LGSN: variants seen among roughly 807,000 people sequenced by gnomAD.
The protein encoded by LGSN is lengsin.
Under a neutral mutation model 19.5 loss-of-function variants are expected in LGSN, and 21 were observed. That is an observed-to-expected ratio of 1.07 (90% confidence interval 0.76 to 1.55). The LOEUF (loss-of-function observed/expected upper bound fraction) is 1.55, where lower values mean the gene tolerates loss of function less well. Among genes scored for constraint, LGSN ranks in the 40% most tolerant of loss-of-function variants. LGSN has a pLI of 0.00. For synonymous variants in LGSN, 257 were observed against 215.6 expected (o/e 1.19, Z -1.68); for missense variants, 673 against 608.5 (o/e 1.11, Z -1.12).
At chr6:63,451,626 T>A in the LGSN span, among the ~76,000 whole-genome samples, 9,092 of 152,026 alleles carry the variant, frequency 0.06, 810 homozygotes, top group African/African-American at 0.19. Context: ...AGGGAGAGGA[T>A]CAGGAAAAAT....
At chr6:63,373,964 G>A in the LGSN span, among the ~76,000 whole-genome samples, 13 of 152,074 alleles carry the variant, frequency 8.5e-5, no homozygotes, top group Admixed American at 6.6e-5. Flanking sequence ...GGGGTGGCGG[G>A]GGAGTGGCAT....
the LGSN span, among the ~76,000 whole-genome samples, chr6:63,401,448 G>C: frequency 3.3e-5 from 5 of 150,030 alleles, no homozygotes; most frequent in Non-Finnish European, 7.4e-5. Flanking sequence ...AATTCAAAAA[G>C]TTAATAATTA....
the LGSN span, among the ~76,000 whole-genome samples, chr6:63,390,595 G>T: frequency 2.0e-5 from 3 of 151,166 alleles, no homozygotes; most frequent in Non-Finnish European, 4.4e-5. Flanking sequence ...GGTGGCTCAC[G>T]CCTGTAATCC....
chr6:63,327,328 G>C, the LGSN span, among the ~76,000 whole-genome samples: 1 of 152,198 alleles, frequency 6.6e-6, no homozygotes, highest in Non-Finnish European at 1.5e-5. Flanking sequence ...CAAGATGGCT[G>C]CCATGGGACC....
the LGSN span, among the ~76,000 whole-genome samples, chr6:63,393,026 A>G: frequency 1.3e-5 from 2 of 150,180 alleles, no homozygotes; most frequent in Non-Finnish European, 3.0e-5. Context: ...AGCTGGGACT[A>G]CAGGCGCCCA....
At chr6:63,535,423 G>T in the LGSN span, among the ~76,000 whole-genome samples, 2 of 152,016 alleles carry the variant, frequency 1.3e-5, no homozygotes, top group Non-Finnish European at 2.9e-5. Context: ...ACCCGAGATT[G>T]CACCACTGCA....
chr6:63,477,700 T>C, the LGSN span, among the ~76,000 whole-genome samples: 1 of 130,656 alleles, frequency 7.7e-6, no homozygotes, highest in African/African-American at 2.9e-5. Flanking sequence ...TTTTTTTTTT[T>C]TTTTTTTTTT....
intron 1 of LGSN, among the ~76,000 whole-genome samples, chr6:63,316,841 C>G (rs1321994128): frequency 1.3e-5 from 2 of 151,676 alleles, no homozygotes; most frequent in South Asian, 4.2e-4. Context: ...TGGAACTGTT[C>G]GTGAAGATAT....
the LGSN span, among the ~76,000 whole-genome samples, chr6:63,570,186 C>T: frequency 6.6e-6 from 1 of 152,030 alleles, no homozygotes; most frequent in Non-Finnish European, 1.5e-5. Flanking sequence ...AACAAATTAG[C>T]CAGGTGTGGT....
the LGSN span, among the ~76,000 whole-genome samples, chr6:63,482,084 C>T: frequency 6.6e-6 from 1 of 152,104 alleles, no homozygotes; most frequent in Non-Finnish European, 1.5e-5. Flanking sequence ...AACAGAACTC[C>T]ATCCTTTAAA....
the LGSN span, among the ~76,000 whole-genome samples, chr6:63,429,926 G>GAT: frequency 1.3e-5 from 2 of 152,022 alleles, no homozygotes; most frequent in Admixed American, 6.6e-5. Context: ...CCTCATTCAT[G>GAT]GACGGAAGGA....
chr6:63,548,071 C>T, the LGSN span, among the ~76,000 whole-genome samples: 1,768 of 152,264 alleles, frequency 0.012, 28 homozygotes, highest in African/African-American at 0.04. Context: ...TTCCAAAACC[C>T]ACTACTCATC....
At chr6:63,387,928 C>A in the LGSN span, among the ~76,000 whole-genome samples, 2 of 151,194 alleles carry the variant, frequency 1.3e-5, no homozygotes, top group African/African-American at 4.9e-5. Flanking sequence ...TGCAGTGGCA[C>A]AATCTTGGCT....
the LGSN span, among the ~76,000 whole-genome samples, chr6:63,394,174 G>A: frequency 1.3e-5 from 2 of 152,256 alleles, no homozygotes; most frequent in South Asian, 4.1e-4. Context: ...TGAGGCAAGA[G>A]AATCACTTGA....
chr6:63,489,167 T>C, the LGSN span, among the ~76,000 whole-genome samples: 1 of 152,208 alleles, frequency 6.6e-6, no homozygotes, highest in Admixed American at 6.5e-5. Context: ...GTAAAAATCA[T>C]AGAACACTTT....
chr6:63,564,070 T>A, the LGSN span, among the ~76,000 whole-genome samples: 1 of 151,944 alleles, frequency 6.6e-6, no homozygotes, highest in Admixed American at 6.6e-5. Flanking sequence ...AGGTCAGGAG[T>A]TCGAGACCAG....
the LGSN span, among the ~76,000 whole-genome samples, chr6:63,468,364 G>A: frequency 6.6e-6 from 1 of 152,096 alleles, no homozygotes; most frequent in Non-Finnish European, 1.5e-5. Flanking sequence ...CTGACCTCAA[G>A]TGATACACCC....
chr6:63,526,803 G>GTGTATATATATA, the LGSN span, among the ~76,000 whole-genome samples: 1 of 101,448 alleles, frequency 9.9e-6, no homozygotes, highest in African/African-American at 4.4e-5. Flanking sequence ...TCTCAAAAAT[G>GTGTATATATATA]TATATATATA....
the LGSN span, among the ~76,000 whole-genome samples, chr6:63,546,430 G>C: frequency 6.6e-6 from 1 of 152,244 alleles, no homozygotes; most frequent in Non-Finnish European, 1.5e-5. Flanking sequence ...ATTTGGCCGG[G>C]TGCGGTGGCT....
Sources: gnomAD v4.1 joint callset for allele counts (sites outside exome capture counted in the v4.1 genomes callset) on GRCh38, gnomAD v4.1.1 for gene constraint, MANE v1.5 for transcripts, NCBI Gene and HGNC (gene_info 2026-07-23, HGNC 2026-07-21) for gene names.